Variants in SIGLEC1 observed in about 807,000 individuals in gnomAD.
SIGLEC1 encodes the protein sialoadhesin.
SIGLEC1 carries 132 observed loss-of-function variants against 148.0 expected under a neutral mutation model. That is an observed-to-expected ratio of 0.89 (90% CI 0.77 to 1.03). The LOEUF (loss-of-function observed/expected upper bound fraction) is 1.03, where lower values mean the gene tolerates loss of function less well. SIGLEC1 is among the 50% of genes least tolerant of loss of function. SIGLEC1 has a pLI of 0.00. For synonymous variants in SIGLEC1, 945 were observed against 969.0 expected (o/e 0.98, Z 0.46); for missense variants, 2,253 against 2,271.4 (o/e 0.99, Z 0.16).
chr20:3,701,425 T>C lies in SIGLEC1; in HGVS notation c.1445A>G (p.Glu482Gly). 6.2e-7 allele frequency: 1 copy of C among 1,614,132 alleles called. No homozygotes were observed. Among genetic ancestry groups the C allele is most frequent in the Non-Finnish European group, 8.5e-7 (1 of 1,180,022 alleles). Residue 482 changes from glutamate to glycine, a missense_variant, in exon 7 of 22, where the codon GAG becomes GGG. Coordinates refer to ENST00000344754, the MANE Select transcript of SIGLEC1 (RefSeq NM_023068.4). The part of the protein sequence containing the change: ...NSLRLEIRDL[E>G]ETDSGEYKCS... ...CTTGTACTCCCCACTGTCAGTTTCC[T>C]CCAGGTCTCGGATCTCCAGGCGCAG...
chr20:3,694,880 G>A lies in SIGLEC1; in HGVS notation c.2727C>T (p.Gly909=), dbSNP rs1404081027. 1.9e-6 allele frequency: 3 copies of A among 1,613,082 alleles called. No homozygotes were observed. The highest frequency in any genetic ancestry group is 1.1e-5 in the South Asian group (1 of 91,074). The change falls in exon 12 of 22, where the codon GGC becomes GGT. Residue 909 remains glycine (G), a synonymous_variant. Transcript: ENST00000344754. ...QVSPSPELQE[G]QAVVLSCQVH... ...CCTGGCAGCTCAGGACCACAGCCTG[G>A]CCCTCTTGGAGCTCAGGTGATGGTG... is the stretch of plus-strand genomic sequence containing the variant.
rs369582641 is a variant in SIGLEC1 at position 3,692,578 on chromosome 20, G to C, written c.3973C>G (p.Gln1325Glu). 6.1e-5 allele frequency: 99 copies of C among 1,611,162 alleles called. No homozygotes were observed. The African/African-American group carries it at 1.2e-3, about 20-fold the overall frequency. The change falls in exon 16 of 22, where the codon CAG becomes GAG. Residue 1325 changes from glutamine to glutamate, a missense_variant. Physicochemically the swap from Gln to Glu is conservative, Grantham distance 29. Transcript: ENST00000344754. ...CGGGTGCCCTGGGCATCCTGGGCCT[G>C]GCAAGAGTAGGCGCCTGCATGAGCC... The part of the protein sequence containing the change: ...TRAHAGAYSC[Q>E]AQDAQGTRSS...
intron 9 of SIGLEC1, 92 bp downstream of exon 9, chr20:3,697,706 G>T: frequency 8.4e-7 from 1 of 1,183,804 alleles, no homozygotes; most frequent in Non-Finnish European, 1.2e-6. Flanking sequence ...CTGCTGCACA[G>T]AGTGGTTTTG....
Position 3,697,927 on chromosome 20 carries a change from CCTT to C in SIGLEC1, c.1990_1992del (p.Lys664del). The C allele has an allele frequency of 6.2e-7, 1 of 1,613,010 alleles. No homozygotes were observed. On this transcript the variant is annotated inframe_deletion, in exon 9 of 22. Transcript: ENST00000344754. ...CGCAGCAAGTTGGGGGCTTTGGTGA[CCTT>C]CATGCGTGGGGAACAGCCCCCACAG... is the stretch of plus-strand genomic sequence containing the variant.
rs144297916 is a variant in SIGLEC1, at chr20:3,705,996, C to T, written c.454G>A (p.Glu152Lys). 1.7e-5 allele frequency: 28 copies of T among 1,613,722 alleles called. No individual in the cohort carries two copies. The highest frequency in any genetic ancestry group is 1.6e-4 in the Middle Eastern group (1 of 6,066). Residue 152 changes from glutamate to lysine, a missense_variant, in exon 4 of 22, where the codon GAG (glutamate) becomes AAG (lysine). Glu to Lys is a moderately conservative substitution (Grantham distance 56, BLOSUM62 1). Transcript: ENST00000344754. ...PTIASPVELL[E>K]GTEVDFNCST... Reference sequence around the variant, plus strand: ...CAGTTGAAGTCCACCTCTGTGCCCTCGAGAAGCTCCACCGGGGAGGCAATG... The same window carrying T: ...CAGTTGAAGTCCACCTCTGTGCCCTTGAGAAGCTCCACCGGGGAGGCAATG...
intron 21 of SIGLEC1, chr20:3,688,830 G>A (rs901591002): frequency 4.5e-5 from 27 of 596,648 alleles, no homozygotes; most frequent in East Asian, 3.9e-4. Flanking sequence ...CCCAGGTGAC[G>A]GGCAGGCTTG....
rs755727350 is a variant in SIGLEC1 at position 3,693,123 on chromosome 20, G to A, written c.3517C>T (p.Arg1173Cys). The change falls in exon 15 of 22, where the codon CGC (arginine) becomes TGC (cysteine). Residue 1173 changes from arginine (R) to cysteine (C), a missense_variant. Transcript: ENST00000344754. Reference sequence around the variant, plus strand: ...AGGAGGTAGGTCAGGCGCAGGTTGCGGGGCGCGTCTGCAGGGCATGAGAGG... The same window carrying A: ...AGGAGGTAGGTCAGGCGCAGGTTGCAGGGCGCGTCTGCAGGGCATGAGAGG... ...PITLDVLYAPRNLRLTYLLES... is the reference protein window; with the variant it reads ...PITLDVLYAPCNLRLTYLLES... The A allele has an allele frequency of 2.3e-5, 36 of 1,561,132 alleles. No homozygotes were observed. Among genetic ancestry groups the A allele is most frequent in the African/African-American group, 4.1e-5 (3 of 73,564 alleles).
Position 3,697,876 on chromosome 20 carries a change from C to G in SIGLEC1, c.2044G>C (p.Glu682Gln). The G allele has an allele frequency of 6.2e-7, 1 of 1,613,168 alleles. No individual in the cohort carries two copies. Among genetic ancestry groups the G allele is most frequent in the South Asian group, 1.1e-5 (1 of 91,080 alleles). ...TCACAGAGGTACAAGCCCTCCTCTTCCAGCAAAGGGTTGTGAATCTCCACA... is the reference window on the plus strand; with the variant it reads ...TCACAGAGGTACAAGCCCTCCTCTTGCAGCAAAGGGTTGTGAATCTCCACA... ...LRVEIHNPLL[E>Q]EEGLYLCEAS... Residue 682 changes from glutamate (E) to glutamine (Q), a missense_variant, in exon 9 of 22, where the codon GAA becomes CAA. Glu to Gln is a conservative substitution (Grantham distance 29, BLOSUM62 2). Transcript: ENST00000344754.
intron 11 of SIGLEC1, among the ~76,000 whole-genome samples, chr20:3,696,168 G>T (rs373734782): frequency 8.0e-6 from 1 of 125,234 alleles, no homozygotes; most frequent in African/African-American, 3.4e-5. Flanking sequence ...ACACACACAC[G>T]TATGTGTATA....
Position 3,693,675 on chromosome 20 carries a change from C to G in SIGLEC1, c.3280G>C (p.Gly1094Arg). The change falls in exon 14 of 22, where the codon GGG (glycine) becomes CGG (arginine). Residue 1094 changes from glycine to arginine, a missense_variant. Physicochemically the swap from Gly to Arg is moderately radical, Grantham distance 125. Transcript: ENST00000344754. Reference protein sequence around the residue: ...AQAVNVQVWPGATVREGQLVN... With the variant: ...AQAVNVQVWPRATVREGQLVN... ...AGCTGCCCCTCCCGCACGGTAGCCC[C>G]GGGCCACACCTGCACATTCACAGCT... The G allele has an allele frequency of 6.3e-7, 1 of 1,594,516 alleles. No homozygotes were observed. Among genetic ancestry groups the G allele is most frequent in the Non-Finnish European group, 8.6e-7 (1 of 1,169,534 alleles).
At chr20:3,689,865 A>T (rs17701662) in intron 19 of SIGLEC1, 97 bp downstream of exon 19, 66,380 of 1,215,546 alleles carry the variant, frequency 0.055, 2,163 homozygotes, top group Non-Finnish European at 0.065. Flanking sequence ...CAGGCAAATC[A>T]TGCTGCAGCA....
intron 11 of SIGLEC1, 87 bp downstream of exon 11, chr20:3,696,498 CA>C (rs2088823486): frequency 7.4e-7 from 1 of 1,349,156 alleles, no homozygotes; most frequent in East Asian, 2.4e-5. Context: ...TATTTCTGCA[CA>C]AAATTCACAG....
chr20:3,700,164 C>T lies in SIGLEC1; in HGVS notation c.1529-705G>A, dbSNP rs533622447. Among the ~76,000 whole-genome samples the T allele has an allele frequency of 6.0e-5, 7 of 116,296 alleles. No homozygotes were observed. The South Asian group carries it at 2.1e-3, about 36-fold the overall frequency. The allele number at this position is 116,296 out of a possible 152,430, so 76.3% of individuals were successfully genotyped here. ...ACGGAGTCTTGCTCCGTCAGCCAGG[C>T]TGGAGTGCAGTGGCGCAATCTCAGC... On this transcript the variant is annotated intron_variant, in intron 7 of 21. Transcript: ENST00000344754.
At chr20:3,700,783 T>C (rs1414419052) in intron 7 of SIGLEC1, among the ~76,000 whole-genome samples, 3 of 148,190 alleles carry the variant, frequency 2.0e-5, no homozygotes, top group Non-Finnish European at 3.0e-5. Context: ...CCACTACAAC[T>C]TCCACCTCCT....
Position 3,694,698 on chromosome 20 carries a change from G to T in SIGLEC1, c.2909C>A (p.Thr970Lys). The change falls in exon 12 of 22, where the codon ACG becomes AAG. Residue 970 changes from threonine (T) to lysine (K), a missense_variant. Coordinates refer to ENST00000344754, the MANE Select transcript of SIGLEC1 (RefSeq NM_023068.4). ...GAGGCTGATGGGTGCAGCTAGGCTC[G>T]TGGTGGCTGAGCCTGGGGCCTGGGC... ...CQAQAPGSATTSLAAPISLHV... is the reference protein window; with the variant it reads ...CQAQAPGSATKSLAAPISLHV... The T allele has an allele frequency of 1.2e-6, 2 of 1,613,882 alleles. No homozygotes were observed. Among genetic ancestry groups the T allele is most frequent in the East Asian group, 2.2e-5 (1 of 44,888 alleles).
chr20:3,700,488 A>T (rs1330133444), intron 7 of SIGLEC1, among the ~76,000 whole-genome samples: 1 of 151,148 alleles, frequency 6.6e-6, no homozygotes, highest in African/African-American at 2.4e-5. Context: ...GGAGGCTGAG[A>T]TGGGAGGATG....
chr20:3,697,783 C>T lies in SIGLEC1; in HGVS notation c.2122+15G>A. The T allele has an allele frequency of 1.9e-6, 3 of 1,610,672 alleles. No individual in the cohort carries two copies. The highest frequency in any genetic ancestry group is 2.2e-5 in the East Asian group (1 of 44,878). ...AGCCCCTGCCCCCAGGCCACCCATTCCCTGCCTGACTCACCCTGGCCATTG... is the reference window on the plus strand; with the variant it reads ...AGCCCCTGCCCCCAGGCCACCCATTTCCTGCCTGACTCACCCTGGCCATTG... On this transcript the variant is annotated intron_variant, in intron 9 of 21. Coordinates refer to ENST00000344754, the MANE Select transcript of SIGLEC1 (RefSeq NM_023068.4).
intron 1 of SIGLEC1, among the ~76,000 whole-genome samples, chr20:3,711,366 C>T (rs948991596): frequency 3.3e-5 from 5 of 152,204 alleles, no homozygotes; most frequent in African/African-American, 1.2e-4. Context: ...AGACCAAGTG[C>T]CTCAGGAGGT....
Position 3,690,214 on chromosome 20 carries a change from G to A in SIGLEC1, c.4642C>T (p.Leu1548Phe). 6.4e-7 allele frequency: 1 copy of A among 1,556,146 alleles called. No homozygotes were observed. The highest frequency in any genetic ancestry group is 8.7e-7 in the Non-Finnish European group (1 of 1,150,394). Residue 1548 changes from leucine (L) to phenylalanine (F), a missense_variant, in exon 19 of 22, where the codon CTC (leucine) becomes TTC (phenylalanine). Transcript: ENST00000344754. Reference sequence around the variant, plus strand: ...ACTCGGCAATCCAGGATGCCCCGGAGGCCACCCTCAGGCTCCACGAAGACC... The same window carrying A: ...ACTCGGCAATCCAGGATGCCCCGGAAGCCACCCTCAGGCTCCACGAAGACC... ...MMVFVEPEGG[L>F]RGILDCRVDS... is the part of the protein sequence containing the mutation.
Sources: allele counts gnomAD v4.1 joint callset (sites outside exome capture counted in the v4.1 genomes callset), GRCh38; gene constraint gnomAD v4.1.1; transcripts MANE v1.5; gene names NCBI Gene and HGNC (gene_info 2026-07-23, HGNC 2026-07-21).